Variants in LSAMP observed in about 807,000 individuals in gnomAD.
LSAMP encodes the protein limbic system associated membrane protein, also known as limbic system-associated membrane protein.
A neutral mutation model predicts 38.6 loss-of-function variants in LSAMP; 7 were observed. The ratio of observed to expected loss-of-function variants is 0.18; its 90% CI spans 0.10 to 0.34. The LOEUF (loss-of-function observed/expected upper bound fraction) is 0.34, where lower values mean the gene tolerates loss of function less well. Ranked by LOEUF, LSAMP falls within the 10% of genes least tolerant of loss-of-function variation. The pLI is 1.00. For missense variants in LSAMP, 313 were observed against 420.0 expected (o/e 0.75, Z 2.23); for synonymous variants, 154 against 166.8 (o/e 0.92, Z 0.59).
chr3:116,240,680 T>C (rs1223041603), intron 1 of LSAMP, among the ~76,000 whole-genome samples: 1 of 152,188 alleles, frequency 6.6e-6, no homozygotes, highest in Non-Finnish European at 1.5e-5. Flanking sequence ...CCATGGACTG[T>C]TGGACTTTTA....
At chr3:116,418,951 G>A (rs769879442) in intron 1 of LSAMP, among the ~76,000 whole-genome samples, 9 of 152,128 alleles carry the variant, frequency 5.9e-5, no homozygotes, top group Non-Finnish European at 1.2e-4. Flanking sequence ...AAACCTGTAT[G>A]TATCTGTGCT....
At chr3:116,167,869 G>A (rs539237762) in intron 1 of LSAMP, among the ~76,000 whole-genome samples, 2 of 152,286 alleles carry the variant, frequency 1.3e-5, no homozygotes, top group Admixed American at 1.3e-4. Context: ...AGCTGAGCAG[G>A]AACAGAGGCA....
At chr3:116,162,644 TTA>T (rs142669732) in intron 1 of LSAMP, among the ~76,000 whole-genome samples, 6,466 of 148,356 alleles carry the variant, frequency 0.044, 367 homozygotes, top group African/African-American at 0.13. Context: ...TGTGTGTACA[TTA>T]TATATATATA....
At chr3:116,087,962 T>C (rs932192936) in intron 1 of LSAMP, among the ~76,000 whole-genome samples, 8 of 151,108 alleles carry the variant, frequency 5.3e-5, no homozygotes, top group African/African-American at 1.9e-4. Context: ...GGCCTGATCA[T>C]AGCTCACTGC....
intron 3 of LSAMP, among the ~76,000 whole-genome samples, chr3:115,996,893 A>G (rs915004319): frequency 7.9e-5 from 12 of 152,062 alleles, no homozygotes; most frequent in African/African-American, 2.4e-5. Flanking sequence ...AGTCGTCCCA[A>G]TCTCCCACCC....
chr3:116,044,522 C>T (rs76212712), intron 2 of LSAMP, among the ~76,000 whole-genome samples: 1 of 151,674 alleles, frequency 6.6e-6, no homozygotes, highest in African/African-American at 2.4e-5. Context: ...CATGGAGAAC[C>T]GTTTCATGCA....
chr3:116,301,094 ATAT>A (rs147466281), intron 1 of LSAMP, among the ~76,000 whole-genome samples: 7,881 of 152,222 alleles, frequency 0.052, 277 homozygotes, highest in Non-Finnish European at 0.078. Context: ...AACATCTTTA[ATAT>A]TTGGAAATGA....
At chr3:115,955,433 G>T (rs1456267994) in intron 3 of LSAMP, among the ~76,000 whole-genome samples, 2 of 152,076 alleles carry the variant, frequency 1.3e-5, no homozygotes, top group African/African-American at 4.8e-5. Flanking sequence ...AATAGTTGTG[G>T]TATTAGACTT....
chr3:115,844,626 C>T (rs1385344366), intron 4 of LSAMP, among the ~76,000 whole-genome samples: 1 of 152,156 alleles, frequency 6.6e-6, no homozygotes, highest in Admixed American at 6.5e-5. Context: ...CATTGTCCTT[C>T]CTCGTTTGAG....
chr3:116,016,021 T>C (rs1940471493), intron 3 of LSAMP, among the ~76,000 whole-genome samples: 1 of 152,074 alleles, frequency 6.6e-6, no homozygotes, highest in Admixed American at 6.6e-5. Flanking sequence ...ACCATTTTTT[T>C]TTTTCCTTTC....
intron 1 of LSAMP, among the ~76,000 whole-genome samples, chr3:116,316,630 G>A (rs1044175314): frequency 2.0e-5 from 3 of 151,998 alleles, no homozygotes; most frequent in African/African-American, 4.8e-5. Context: ...AATTAGCTGG[G>A]CAGGATGGCG....
chr3:115,994,310 A>G (rs547643750), intron 3 of LSAMP, among the ~76,000 whole-genome samples: 1 of 152,250 alleles, frequency 6.6e-6, no homozygotes, highest in East Asian at 1.9e-4. Context: ...TGACTTCTAA[A>G]GAGGAGAAAA....
At position 116,324,936 on chromosome 3, in the gene LSAMP, G is replaced by T. The variant is rs149459299; in HGVS notation, c.155+119941C>A. Among the ~76,000 whole-genome samples the T allele has an allele frequency of 2.0e-5, 3 of 151,842 alleles. No individual in the cohort carries two copies. In the East Asian group the frequency reaches 5.8e-4, roughly 29 times the overall value. ...GGCCTCTCATATGACTTCTATTGCC[G>T]TCCTTCATAGTCTTTCACACTAGCA... On this transcript the variant is annotated intron_variant, in intron 1 of 6. Transcript: ENST00000490035.
intron 1 of LSAMP, among the ~76,000 whole-genome samples, chr3:116,352,975 C>T (rs2048162381): frequency 6.6e-6 from 1 of 152,186 alleles, no homozygotes; most frequent in Admixed American, 6.5e-5. Context: ...TACCTAACTT[C>T]GTTAAGATTC....
intron 2 of LSAMP, among the ~76,000 whole-genome samples, chr3:116,080,473 A>G (rs1163176569): frequency 6.6e-6 from 1 of 152,240 alleles, no homozygotes; most frequent in Non-Finnish European, 1.5e-5. Context: ...CAGGTATATA[A>G]AAAGGGTTTG....
At chr3:116,192,526 C>T (rs1456839126) in intron 1 of LSAMP, among the ~76,000 whole-genome samples, 1 of 152,170 alleles carries the variant, frequency 6.6e-6, no homozygotes, top group Non-Finnish European at 1.5e-5. Flanking sequence ...TTCAGTCTCA[C>T]TCATTTTCCC....
intron 2 of LSAMP, among the ~76,000 whole-genome samples, chr3:116,024,064 T>C (rs1302448357): frequency 2.6e-5 from 4 of 152,186 alleles, no homozygotes; most frequent in Admixed American, 1.3e-4. Context: ...ACTCTGCTCC[T>C]GGATCCACAA....
At chr3:115,870,373 G>A (rs1025771226) in intron 3 of LSAMP, among the ~76,000 whole-genome samples, 1 of 152,212 alleles carries the variant, frequency 6.6e-6, no homozygotes, top group South Asian at 2.1e-4. Context: ...GTATATTTCA[G>A]AAGTAACATT....
At chr3:116,080,758 A>G (rs921938952) in intron 2 of LSAMP, among the ~76,000 whole-genome samples, 4 of 152,238 alleles carry the variant, frequency 2.6e-5, no homozygotes, top group Non-Finnish European at 4.4e-5. Flanking sequence ...TCAGCATATA[A>G]AATTCAAATG....
Sources: gnomAD v4.1 joint callset for allele counts (sites outside exome capture counted in the v4.1 genomes callset) on GRCh38, gnomAD v4.1.1 for gene constraint, MANE v1.5 for transcripts, NCBI Gene and HGNC (gene_info 2026-07-23, HGNC 2026-07-21) for gene names.